Variants in JAG1 observed in about 807,000 individuals in gnomAD.
The protein encoded by JAG1 is jagged canonical Notch ligand 1.
Under a neutral mutation model 148.7 loss-of-function variants are expected in JAG1, and 23 were observed. That is an observed-to-expected ratio of 0.15 (90% CI 0.11 to 0.22). The LOEUF (loss-of-function observed/expected upper bound fraction) is 0.22. Ranked by LOEUF, JAG1 falls within the 10% of genes least tolerant of loss-of-function variation. The pLI, the probability that JAG1 is intolerant of heterozygous loss-of-function variation, is 1.00. For synonymous variants in JAG1, 572 were observed against 598.3 expected (o/e 0.96, Z 0.64); for missense variants, 1,054 against 1,611.2 (o/e 0.65, Z 5.92).
intron 14 of JAG1, 27 bp from the exon 15 acceptor site, chr20:10,646,111 G>C: frequency 6.6e-7 from 1 of 1,518,890 alleles, no homozygotes; most frequent in Non-Finnish European, 9.1e-7. Flanking sequence ...AGCAAAAAAA[G>C]AACTGAAGGA....
chr20:10,667,292 A>G (rs2067461393), intron 2 of JAG1, among the ~76,000 whole-genome samples: 1 of 152,242 alleles, frequency 6.6e-6, no homozygotes, highest in African/African-American at 2.4e-5. Context: ...GTGCACAGTC[A>G]GTCGGCTCCC....
Position 10,645,081 on chromosome 20 carries a change from A to C in JAG1, c.2227+62T>G. 6.5e-7 allele frequency: 1 copy of C among 1,526,916 alleles called. No individual in the cohort carries two copies. The highest frequency in any genetic ancestry group is 9.1e-7 in the Non-Finnish European group (1 of 1,100,492). 94.6% of individuals were successfully genotyped at this position (1,526,916 alleles called of 1,614,324 possible). A position where few individuals can be genotyped will look rare whatever the true frequency, so the allele number is the denominator to read the frequency against. On this transcript the variant is annotated intron_variant, in intron 17 of 25. Transcript: ENST00000254958. The surrounding 1 kb of genome is among the most constrained non-coding windows in gnomAD (Gnocchi z 6.1). ...AGAAATATCATAAGCTCCAGGGGCC[A>C]ACCAGCAGACACGCCCAGGTGGCCA...
In JAG1 at chr20:10,651,697, GC is replaced by G. The variant is rs1568797780; in HGVS notation, c.1007-4del. 3 of 1,600,162 alleles carry G rather than the reference GC, an allele frequency of 1.9e-6. No homozygotes were observed. In the South Asian group the frequency reaches 3.3e-5, roughly 18 times the overall value. ...ATCAGAGAGGCAGGCGTGCTCAGCTGCAAAAACCAGGATGGCAGTCAGAGAG... is the reference window on the plus strand; with the variant it reads ...ATCAGAGAGGCAGGCGTGCTCAGCTGAAAAACCAGGATGGCAGTCAGAGAG... On this transcript the variant is annotated splice_polypyrimidine_tract_variant and splice_region_variant and intron_variant, in intron 7 of 25. Coordinates refer to ENST00000254958, the MANE Select transcript of JAG1 (RefSeq NM_000214.3).
At chr20:10,647,374 C>G (rs1452124596) in intron 13 of JAG1, 1 of 527,024 alleles carries the variant, frequency 1.9e-6, no homozygotes, top group African/African-American at 1.9e-5. Flanking sequence ...CTACCTTTGA[C>G]ATCTACCCAA....
intron 2 of JAG1, among the ~76,000 whole-genome samples, chr20:10,664,336 C>T (rs6040068): frequency 0.16 from 24,421 of 150,086 alleles, 2,171 homozygotes; most frequent in South Asian, 0.32. Context: ...ATATAGTTTC[C>T]CAAAACTTTC....
rs148448920 is a variant in JAG1, at chr20:10,648,691, G to A, written c.1427C>T (p.Pro476Leu). Residue 476 changes from proline (P) to leucine (L), a missense_variant, in exon 12 of 26, where the codon CCA becomes CTA. Physicochemically the swap from Pro to Leu is moderately conservative, Grantham distance 98. Transcript: ENST00000254958. ...DLVNGYRCIC[P>L]PGYAGDHCER... is the part of the protein sequence containing the mutation. ...ACAGTGATCGCCTGCATAGCCAGGT[G>A]GACAGATACAGCGATAACCATTAAC... 6.2e-7 allele frequency: 1 copy of A among 1,614,188 alleles called. No homozygotes were observed. The highest frequency in any genetic ancestry group is 8.5e-7 in the Non-Finnish European group (1 of 1,180,016).
chr20:10,645,410 T>C lies in JAG1; in HGVS notation c.2059A>G (p.Asn687Asp). 6.2e-7 allele frequency: 1 copy of C among 1,613,034 alleles called. No individual in the cohort carries two copies. Among genetic ancestry groups the C allele is most frequent in the Non-Finnish European group, 8.5e-7 (1 of 1,179,860 alleles). The change falls in exon 16 of 26, where the codon AAT becomes GAT. Residue 687 changes from asparagine (N) to aspartate (D), a missense_variant. Physicochemically the swap from Asn to Asp is conservative, Grantham distance 23. Around this residue, in one of 6 missense-constraint regions of JAG1, gnomAD observed 35 missense variants for 99.7 expected, o/e 0.35. Coordinates refer to ENST00000254958, the MANE Select transcript of JAG1 (RefSeq NM_000214.3). The surrounding 1 kb of genome is among the most constrained non-coding windows in gnomAD (Gnocchi z 6.1). ...TTTTTACAGTCACAGTAGAAGTCAT[T>C]GACCAGGTCGCGACACGTGCCCCCA... ...HNGGTCRDLV[N>D]DFYCDCKNGW...
chr20:10,641,726 G>T (rs200645828), intron 22 of JAG1, 33 bp from the exon 23 acceptor site: 1 of 1,609,700 alleles, frequency 6.2e-7, no homozygotes, highest in East Asian at 2.2e-5. Flanking sequence ...AGCTTAGCAG[G>T]CATGCTCATC....
intron 13 of JAG1, 79 bp downstream of exon 13, chr20:10,647,881 G>T (rs879019040): frequency 6.8e-7 from 1 of 1,461,992 alleles, no homozygotes; most frequent in South Asian, 1.1e-5. Context: ...CTTCTCAAGT[G>T]TAACAAGGGG....
In JAG1 at chr20:10,647,621, C is replaced by T. The variant is rs544006822; in HGVS notation, c.1720+339G>A. On this transcript the variant is annotated intron_variant, in intron 13 of 25. Coordinates refer to ENST00000254958, the MANE Select transcript of JAG1 (RefSeq NM_000214.3). ...GCTCCCATACCTGACCGTGCAGATA[C>T]AGAACATCCCCCTCTGTCTGCCGTT... 2.0e-5 allele frequency among the ~76,000 whole-genome samples: 3 copies of T among 152,360 alleles called. No homozygotes were observed. The East Asian group carries it at 5.8e-4, about 29-fold the overall frequency.
In JAG1 at chr20:10,639,374, G is replaced by T; in HGVS notation, c.*124C>A. Reference sequence around the variant, plus strand: ...TACCATTGCCAGTGTAAGCCAGCTTGTCAAAACTTAAATTAACACAGGGAT... The same window carrying T: ...TACCATTGCCAGTGTAAGCCAGCTTTTCAAAACTTAAATTAACACAGGGAT... On this transcript the variant is annotated 3_prime_UTR_variant, in exon 26 of 26. Transcript: ENST00000254958. 1 of 942,144 alleles carries T rather than the reference G, an allele frequency of 1.1e-6. No individual in the cohort carries two copies. Among genetic ancestry groups the T allele is most frequent in the South Asian group, 1.3e-5 (1 of 76,880 alleles). The allele number at this position is 942,144 out of a possible 1,614,324, so 58.4% of individuals were successfully genotyped here. A position where few individuals can be genotyped will look rare whatever the true frequency, so the allele number is the denominator to read the frequency against.
chr20:10,658,501 T>C lies in JAG1; in HGVS notation c.661A>G (p.Met221Val), dbSNP rs1192515251. The C allele has an allele frequency of 1.2e-6, 2 of 1,614,194 alleles. No individual in the cohort carries two copies. The highest frequency in any genetic ancestry group is 1.7e-5 in the Admixed American group (1 of 60,028). The change falls in exon 4 of 26, where the codon ATG (methionine) becomes GTG (valine). Residue 221 changes from methionine (M) to valine (V), a missense_variant. By Grantham distance (21) the Met-to-Val change is conservative. Coordinates refer to ENST00000254958, the MANE Select transcript of JAG1 (RefSeq NM_000214.3). ...CATTCGGGGCCCATCCAGCCTTCCA[T>C]GCAAGTTTTGTTGCCATTCTGGTCA... ...ACDQNGNKTC[M>V]EGWMGPECNR...
intron 2 of JAG1, among the ~76,000 whole-genome samples, chr20:10,672,492 TAGC>T (rs2067503346): frequency 6.6e-6 from 1 of 152,058 alleles, no homozygotes; most frequent in African/African-American, 2.4e-5. Context: ...ACTAAGCAAA[TAGC>T]AGCAGGAATG....
chr20:10,653,268 CAAGAA>C (rs2067358276), intron 5 of JAG1, among the ~76,000 whole-genome samples: 1 of 142,630 alleles, frequency 7.0e-6, no homozygotes, highest in Non-Finnish European at 1.5e-5. Flanking sequence ...CTTGCTTTGC[CAAGAA>C]AAGAAAAAAA....
chr20:10,644,432 G>T (rs370955915), intron 18 of JAG1, 48 bp from the exon 19 acceptor site: 3 of 1,511,436 alleles, frequency 2.0e-6, no homozygotes, highest in Non-Finnish European at 2.8e-6. Flanking sequence ...CAGGGAAAGC[G>T]GTCTTAGCCC....
intron 12 of JAG1, among the ~76,000 whole-genome samples, 191 bp downstream of exon 12, chr20:10,648,358 A>C (rs778515426): frequency 6.6e-6 from 1 of 152,238 alleles, no homozygotes; most frequent in African/African-American, 2.4e-5. Context: ...AGACGAAGAC[A>C]CTAAGAAGAA....
At chr20:10,658,388 T>G (rs2067392338) in intron 4 of JAG1, 80 bp downstream of exon 4, 2 of 1,561,866 alleles carry the variant, frequency 1.3e-6, no homozygotes, top group Admixed American at 3.3e-5. Context: ...GATAGCCGCA[T>G]GCCACCTGCC....
chr20:10,652,709 A>G (rs1240399658), intron 5 of JAG1, 111 bp from the exon 6 acceptor site: 1 of 1,194,600 alleles, frequency 8.4e-7, no homozygotes, highest in African/African-American at 1.5e-5. Flanking sequence ...GTTTCTGGGG[A>G]CAGGAAGGTA....
chr20:10,651,752 A>T, intron 7 of JAG1, 58 bp from the exon 8 acceptor site: 1 of 1,077,004 alleles, frequency 9.3e-7, no homozygotes, highest in Non-Finnish European at 1.4e-6. Context: ...ACCTCCCCAC[A>T]CCCCCCTCCA....
Sources: gnomAD v4.1 joint callset for allele counts (sites outside exome capture counted in the v4.1 genomes callset) on GRCh38, gnomAD v4.1.1 for gene constraint, gnomAD v4.1.1 regional missense constraint, Gnocchi (gnomAD v3.1) non-coding constraint, MANE v1.5 for transcripts, NCBI Gene and HGNC (gene_info 2026-07-23, HGNC 2026-07-21) for gene names.